The following SCD5 variants were observed in gnomAD, a reference collection of about 807,000 sequenced individuals.
SCD5 encodes the protein acyl-CoA-desaturase 4.
SCD5 carries 20 observed loss-of-function variants against 30.4 expected under a neutral mutation model. That is an observed-to-expected ratio of 0.66 (90% CI 0.46 to 0.96). The LOEUF (loss-of-function observed/expected upper bound fraction) is 0.96. SCD5 is among the 40% of genes least tolerant of loss of function. The pLI, the probability that SCD5 is intolerant of heterozygous loss-of-function variation, is 0.00. For missense variants in SCD5, 381 were observed against 443.3 expected, an observed-to-expected ratio of 0.86 and a Z score of 1.26; for synonymous variants, 173 against 176.4, an observed-to-expected ratio of 0.98 and a Z score of 0.16.
chr4:82,727,988 CA>C (rs1720543935), intron 1 of SCD5, among the ~76,000 whole-genome samples: 1 of 152,150 alleles, frequency 6.6e-6, no homozygotes, highest in Non-Finnish European at 1.5e-5. Flanking sequence ...GGATTACAGG[CA>C]TGAGCCACCA....
chr4:82,731,169 G>C (rs1720636533), intron 1 of SCD5, among the ~76,000 whole-genome samples: 1 of 152,222 alleles, frequency 6.6e-6, no homozygotes, highest in African/African-American at 2.4e-5. Flanking sequence ...TAGGGGCAGA[G>C]AGGATACAGC....
chr4:82,672,857 G>C (rs1171028341), intron 3 of SCD5, among the ~76,000 whole-genome samples: 7 of 151,932 alleles, frequency 4.6e-5, no homozygotes, highest in Non-Finnish European at 8.8e-5. Context: ...CAACTAAGTA[G>C]GATTTATACT....
chr4:82,744,640 G>C (rs1720946598), intron 1 of SCD5, among the ~76,000 whole-genome samples: 1 of 152,270 alleles, frequency 6.6e-6, no homozygotes, highest in East Asian at 1.9e-4. Flanking sequence ...TAATAGAGAA[G>C]ATGGGTTGGC....
chr4:82,758,294 T>C (rs1721273606), intron 1 of SCD5, among the ~76,000 whole-genome samples: 1 of 151,922 alleles, frequency 6.6e-6, no homozygotes, highest in South Asian at 2.1e-4. Flanking sequence ...AAGATCCCTG[T>C]CTCTCCAAAA....
rs561878089 is a variant in SCD5, at chr4:82,745,350, G to A, written c.233-39937C>T. On this transcript the variant is annotated intron_variant, in intron 1 of 4. Transcript: ENST00000319540. ...GTAACCAATACATTATTTCCCTGCAGGCAGACCTCAGCGGGAGGCCAAATC... is the reference window on the plus strand; with the variant it reads ...GTAACCAATACATTATTTCCCTGCAAGCAGACCTCAGCGGGAGGCCAAATC... 2.6e-5 allele frequency among the ~76,000 whole-genome samples: 4 copies of A among 152,314 alleles called. No individual in the cohort carries two copies. In the East Asian group the frequency reaches 7.7e-4, roughly 29 times the overall value.
chr4:82,741,532 A>T (rs985502428), intron 1 of SCD5, among the ~76,000 whole-genome samples: 13 of 152,308 alleles, frequency 8.5e-5, no homozygotes, highest in African/African-American at 3.1e-4. Context: ...CAGCAGAGGA[A>T]CTGACCAGCC....
At chr4:82,701,373 G>C (rs1307565164) in intron 2 of SCD5, among the ~76,000 whole-genome samples, 1 of 152,124 alleles carries the variant, frequency 6.6e-6, no homozygotes, top group Non-Finnish European at 1.5e-5. Context: ...ATGGAAAACA[G>C]AAACTTGGTA....
intron 1 of SCD5, among the ~76,000 whole-genome samples, chr4:82,727,321 A>G (rs1354030421): frequency 6.6e-6 from 1 of 152,230 alleles, no homozygotes; most frequent in Non-Finnish European, 1.5e-5. Context: ...TACTAAGAGT[A>G]TGTATGCTCC....
intron 1 of SCD5, among the ~76,000 whole-genome samples, chr4:82,741,262 G>T (rs1385553011): frequency 1.3e-5 from 2 of 152,098 alleles, no homozygotes; most frequent in Admixed American, 6.5e-5. Flanking sequence ...TTATATCTAG[G>T]CTGGTCTTGT....
At chr4:82,656,039 ATG>A (rs1237010882) in intron 3 of SCD5, among the ~76,000 whole-genome samples, 1 of 152,146 alleles carries the variant, frequency 6.6e-6, no homozygotes, top group Non-Finnish European at 1.5e-5. Flanking sequence ...GTTTAATAGA[ATG>A]TAGGGAAAAG....
intron 2 of SCD5, among the ~76,000 whole-genome samples, chr4:82,688,881 C>T (rs912696042): frequency 6.6e-6 from 1 of 152,190 alleles, no homozygotes; most frequent in African/African-American, 2.4e-5. Flanking sequence ...TTTTAAAAAA[C>T]CACATATTTA....
intron 3 of SCD5, among the ~76,000 whole-genome samples, chr4:82,654,554 AGC>A (rs370017913): frequency 1.5e-4 from 23 of 152,362 alleles, no homozygotes; most frequent in African/African-American, 4.1e-4. Context: ...CTTTAAGCAA[AGC>A]AAAAAGGGGA....
At position 82,639,959 on chromosome 4, in the gene SCD5, CCCTGGGCACTTCTCTCTCTGA is replaced by C. The variant is rs1302222757; in HGVS notation, c.570-3157_570-3137del. Among the ~76,000 whole-genome samples the C allele has an allele frequency of 2.6e-5, 4 of 152,198 alleles. No individual in the cohort carries two copies. In the East Asian group the frequency reaches 7.7e-4, roughly 29 times the overall value. On this transcript the variant is annotated intron_variant, in intron 3 of 4. Transcript: ENST00000319540. ...TGTGGAGGGCTTGCTCTCTGCTGGG[CCCTGGGCACTTCTCTCTCTGA>C]ATGCTTGCAGCAGCTTTGGGGTAGA...
chr4:82,699,615 G>A (rs1270451775), intron 2 of SCD5, among the ~76,000 whole-genome samples: 3 of 145,430 alleles, frequency 2.1e-5, no homozygotes, highest in Non-Finnish European at 4.5e-5. Flanking sequence ...TCCCCAGGCT[G>A]GAGTGCAATG....
intron 3 of SCD5, among the ~76,000 whole-genome samples, chr4:82,645,229 G>A (rs1051075782): frequency 7.9e-5 from 12 of 151,936 alleles, no homozygotes; most frequent in African/African-American, 2.4e-4. Flanking sequence ...CAGTAGGATC[G>A]CTTGAACCCG....
intron 1 of SCD5, among the ~76,000 whole-genome samples, chr4:82,764,642 A>G (rs902044718): frequency 3.9e-5 from 6 of 152,014 alleles, no homozygotes; most frequent in African/African-American, 1.4e-4. Context: ...TTGTGAAATT[A>G]TTTCAAATAT....
intron 1 of SCD5, among the ~76,000 whole-genome samples, chr4:82,778,895 T>C (rs150730496): frequency 3.1e-3 from 471 of 151,750 alleles, no homozygotes; most frequent in Non-Finnish European, 5.2e-3. Context: ...AGATGGAGTT[T>C]CGCTCTTGTT....
intron 1 of SCD5, among the ~76,000 whole-genome samples, chr4:82,714,141 G>A (rs913617143): frequency 5.9e-5 from 9 of 152,134 alleles, no homozygotes; most frequent in Non-Finnish European, 1.0e-4. Context: ...ACAGCCTACA[G>A]CCATGCTGTT....
At chr4:82,729,631 A>G (rs1720584128) in intron 1 of SCD5, among the ~76,000 whole-genome samples, 1 of 107,402 alleles carries the variant, frequency 9.3e-6, no homozygotes, top group Admixed American at 1.0e-4. Context: ...TTGAACATGA[A>G]GGGAGCAGAA....
Sources: allele counts gnomAD v4.1 joint callset (sites outside exome capture counted in the v4.1 genomes callset), GRCh38; gene constraint gnomAD v4.1.1; transcripts MANE v1.5; gene names NCBI Gene and HGNC (gene_info 2026-07-23, HGNC 2026-07-21).